The following BUB1 variants were observed in gnomAD, a reference collection of about 807,000 sequenced individuals.
The protein encoded by BUB1 is BUB1 mitotic checkpoint serine/threonine kinase, also known as mitotic checkpoint serine/threonine-protein kinase BUB1.
A neutral mutation model predicts 135.2 loss-of-function variants in BUB1; 84 were observed. That is an observed-to-expected ratio of 0.62 (90% CI 0.52 to 0.74). The LOEUF (loss-of-function observed/expected upper bound fraction) is 0.74, where lower values mean the gene tolerates loss of function less well. BUB1 is among the 30% of genes least tolerant of loss of function. The pLI, the probability that BUB1 is intolerant of heterozygous loss-of-function variation, is 0.00. For synonymous variants in BUB1, 403 were observed against 434.4 expected, an observed-to-expected ratio of 0.93 and a Z score of 0.90; for missense variants, 1,162 against 1,288.3, an observed-to-expected ratio of 0.90 and a Z score of 1.50.
At chr2:110,642,773 C>A (rs1404808577) in intron 19 of BUB1, 1 of 152,498 alleles carries the variant, frequency 6.6e-6, no homozygotes, top group Non-Finnish European at 1.5e-5. Flanking sequence ...CTCACTCCAG[C>A]TTTGACCTCC....
At chr2:110,652,277 C>G (rs1484475618) in intron 17 of BUB1, among the ~76,000 whole-genome samples, 1 of 152,124 alleles carries the variant, frequency 6.6e-6, no homozygotes, top group Admixed American at 6.5e-5. Flanking sequence ...TGACACTCAG[C>G]CTTCCGGTTC....
chr2:110,674,758 T>C (rs574227957), intron 1 of BUB1, among the ~76,000 whole-genome samples: 63 of 152,162 alleles, frequency 4.1e-4, no homozygotes, highest in African/African-American at 1.5e-3. Context: ...CTCCTGCCCT[T>C]CCAGCAGGAT....
In BUB1 at chr2:110,678,019, C is replaced by G. The variant is rs1408008582; in HGVS notation, c.-24G>C. The G allele has an allele frequency of 1.3e-6, 2 of 1,599,420 alleles. No individual in the cohort carries two copies. The highest frequency in any genetic ancestry group is 1.7e-6 in the Non-Finnish European group (2 of 1,174,196). On this transcript the variant is annotated 5_prime_UTR_variant, in exon 1 of 25. Transcript: ENST00000302759. ...ATGGCCAGAGGACGCTGGCCGGCAG[C>G]GGCCAAACCTGAACCGCAAACTAGA... is the stretch of plus-strand genomic sequence containing the variant.
rs780140237 is a variant in BUB1, at chr2:110,667,680, T to C, written c.646A>G (p.Lys216Glu). ...GATGAGTGCACAGAATATTCTGATT[T>C]AGAAATCGTGATCACTCTTCGTTCC... ...NMERRVITIS[K>E]SEYSVHSSLA... is the part of the protein sequence containing the mutation. Residue 216 changes from lysine (K) to glutamate (E), a missense_variant, in exon 8 of 25, where the codon AAA (lysine) becomes GAA (glutamate). Lys to Glu is a moderately conservative substitution (Grantham distance 56). Transcript: ENST00000302759. 1.6e-5 allele frequency: 26 copies of C among 1,613,330 alleles called. No individual in the cohort carries two copies. In the African/African-American group the frequency reaches 3.3e-4, roughly 21 times the overall value.
chr2:110,649,309 C>A lies in BUB1; in HGVS notation c.2272G>T (p.Val758Leu), dbSNP rs760760872. The A allele has an allele frequency of 6.8e-6, 11 of 1,610,604 alleles. No homozygotes were observed. Among genetic ancestry groups the A allele is most frequent in the Admixed American group, 5.0e-5 (3 of 59,734 alleles). Residue 758 changes from valine to leucine, a missense_variant, in exon 19 of 25, where the codon GTG becomes TTG. By Grantham distance (32) the Val-to-Leu change is conservative (BLOSUM62 1). Transcript: ENST00000302759. The part of the protein sequence containing the change: ...FKLLSGLSKP[V>L]SSYPNTFEWQ... ...TCAAAAGTATTTGGATAGGAACTCA[C>A]TGGTTTAGAAAGCCCAGATAAAAGT...
intron 3 of BUB1, 59 bp from the exon 4 acceptor site, chr2:110,672,916 T>C (rs1483332861): frequency 2.7e-6 from 4 of 1,467,532 alleles, no homozygotes; most frequent in Non-Finnish European, 2.7e-6. Flanking sequence ...CTATGTCTGG[T>C]GAGGAGTTAG....
chr2:110,643,333 A>G (rs1689554006), intron 19 of BUB1, among the ~76,000 whole-genome samples: 1 of 152,190 alleles, frequency 6.6e-6, no homozygotes, highest in South Asian at 2.1e-4. Flanking sequence ...CCTTATTTAA[A>G]AAGTCCGTAG....
Position 110,667,700 on chromosome 2 carries a change from C to T in BUB1, c.626G>A (p.Arg209Gln), listed in dbSNP as rs531352365. Residue 209 changes from arginine (R) to glutamine (Q), a missense_variant, in exon 8 of 25, where the codon CGA (arginine) becomes CAA (glutamine). Transcript: ENST00000302759. ...SACDKESNME[R>Q]RVITISKSEY... is the part of the protein sequence containing the mutation. ...TGATTTAGAAATCGTGATCACTCTT[C>T]GTTCCCTACAATGGGGGAAAATACA... The T allele has an allele frequency of 7.4e-6, 12 of 1,612,328 alleles. No homozygotes were observed. Among genetic ancestry groups the T allele is most frequent in the Admixed American group, 1.7e-5 (1 of 59,672 alleles).
At chr2:110,667,468 G>A (rs1690288972) in intron 8 of BUB1, 53 bp downstream of exon 8, 2 of 1,509,384 alleles carry the variant, frequency 1.3e-6, no homozygotes, top group Non-Finnish European at 1.8e-6. Context: ...ACTCAGAGAT[G>A]AGGATTTTTT....
chr2:110,668,550 A>G (rs1195987215), intron 6 of BUB1, among the ~76,000 whole-genome samples: 1 of 152,234 alleles, frequency 6.6e-6, no homozygotes, highest in Non-Finnish European at 1.5e-5. Context: ...TTTTGCTTCA[A>G]GGAGGTCCTT....
At chr2:110,638,894 A>G (rs1466560785) in intron 24 of BUB1, among the ~76,000 whole-genome samples, 1 of 152,208 alleles carries the variant, frequency 6.6e-6, no homozygotes, top group Non-Finnish European at 1.5e-5. Context: ...TATGTACAGT[A>G]TATGACATTT....
intron 1 of BUB1, among the ~76,000 whole-genome samples, chr2:110,675,542 GGTGAGAATC>G (rs1690553381): frequency 6.6e-6 from 1 of 151,956 alleles, no homozygotes; most frequent in Non-Finnish European, 1.5e-5. Context: ...AGGAGGTAGA[GGTGAGAATC>G]GAAGTGGGAA....
At chr2:110,667,220 T>C (rs928658353) in intron 8 of BUB1, among the ~76,000 whole-genome samples, 1 of 152,238 alleles carries the variant, frequency 6.6e-6, no homozygotes, top group African/African-American at 2.4e-5. Flanking sequence ...AATTTAGTAC[T>C]CTTTCAACTA....
intron 10 of BUB1, chr2:110,661,103 C>T (rs1690070323): frequency 6.6e-6 from 1 of 152,580 alleles, no homozygotes; most frequent in South Asian, 2.1e-4. Flanking sequence ...CTGGAAAAAT[C>T]CCTCAAAATT....
intron 1 of BUB1, 140 bp downstream of exon 1, chr2:110,677,829 AC>A: frequency 9.9e-7 from 1 of 1,005,638 alleles, no homozygotes; most frequent in Non-Finnish European, 1.4e-6. Context: ...CAAGCAGCCC[AC>A]GGCCTTGCTG....
At chr2:110,662,079 T>G (rs778641393) in intron 9 of BUB1, 19 of 477,782 alleles carry the variant, frequency 4.0e-5, no homozygotes, top group Non-Finnish European at 6.3e-5. Flanking sequence ...CAGCTTATAA[T>G]TTCTAACCAC....
intron 6 of BUB1, among the ~76,000 whole-genome samples, chr2:110,668,761 G>C (rs11900983): frequency 0.085 from 12,885 of 152,242 alleles, 958 homozygotes; most frequent in African/African-American, 0.19. Context: ...TCACAGGGAA[G>C]GATGCAGTTA....
chr2:110,659,516 T>C (rs975081197), intron 11 of BUB1, among the ~76,000 whole-genome samples: 3 of 151,996 alleles, frequency 2.0e-5, no homozygotes, highest in African/African-American at 7.2e-5. Context: ...ACAGCCCTCC[T>C]CCTCACCAAA....
rs1329801354 is a variant in BUB1, at chr2:110,637,872, T to C, written c.*92A>G. Reference sequence around the variant, plus strand: ...CCATGGGATTTATTTTTAACAAACATTTACATAAACAATAAATGAAAAAAA... The same window carrying C: ...CCATGGGATTTATTTTTAACAAACACTTACATAAACAATAAATGAAAAAAA... On this transcript the variant is annotated 3_prime_UTR_variant, in exon 25 of 25. Coordinates refer to ENST00000302759, the MANE Select transcript of BUB1 (RefSeq NM_004336.5). 1 of 921,842 alleles carries C rather than the reference T, an allele frequency of 1.1e-6. No individual in the cohort carries two copies. The highest frequency in any genetic ancestry group is 2.9e-5 in the East Asian group (1 of 34,360). The allele number at this position is 921,842 out of a possible 1,614,324, so 57.1% of individuals were successfully genotyped here.
Sources: gnomAD v4.1 joint callset for allele counts (sites outside exome capture counted in the v4.1 genomes callset) on GRCh38, gnomAD v4.1.1 for gene constraint, MANE v1.5 for transcripts, NCBI Gene and HGNC (gene_info 2026-07-23, HGNC 2026-07-21) for gene names.